The following FRMD6 variants were observed in gnomAD, a reference collection of about 807,000 sequenced individuals.
FRMD6 encodes the protein FERM domain-containing protein 6.
In FRMD6, 37 loss-of-function variants were observed where a neutral mutation model predicts 73.2. The ratio of observed to expected loss-of-function variants is 0.51; its 90% confidence interval spans 0.39 to 0.66. The LOEUF is 0.66. Ranked by LOEUF, FRMD6 falls within the 30% of genes least tolerant of loss-of-function variation. FRMD6 has a pLI of 0.00. For synonymous variants in FRMD6, 273 were observed against 282.2 expected (o/e 0.97, Z 0.33); for missense variants, 714 against 780.5 (o/e 0.91, Z 1.02).
chr14:51,579,142 CT>C (rs1309244926), intron 2 of FRMD6: 1 of 152,048 alleles, frequency 6.6e-6, no homozygotes, highest in Non-Finnish European at 1.5e-5. Context: ...GAGGAGGCGC[CT>C]TCCAGTAAAT....
At chr14:51,633,391 C>T (rs969687184) in intron 2 of FRMD6, among the ~76,000 whole-genome samples, 2 of 151,058 alleles carry the variant, frequency 1.3e-5, no homozygotes, top group African/African-American at 4.9e-5. Flanking sequence ...CTCTTGAGCC[C>T]AGGAGTTCAA....
chr14:51,591,298 A>C (rs1004500588), intron 2 of FRMD6, among the ~76,000 whole-genome samples: 3 of 152,154 alleles, frequency 2.0e-5, no homozygotes, highest in African/African-American at 7.2e-5. Context: ...AACAAACAAA[A>C]AAAAACTTTA....
chr14:51,603,608 C>G (rs889937897), intron 2 of FRMD6, among the ~76,000 whole-genome samples: 8 of 151,994 alleles, frequency 5.3e-5, no homozygotes, highest in Non-Finnish European at 1.0e-4. Context: ...TCATCCTTCC[C>G]TAAGGTAAAA....
the FRMD6 span, among the ~76,000 whole-genome samples, chr14:51,414,535 C>T: frequency 6.6e-6 from 1 of 152,172 alleles, no homozygotes; most frequent in Non-Finnish European, 1.5e-5. Flanking sequence ...GTACCAGTAC[C>T]ACGCTGTTTT....
In FRMD6 at chr14:51,581,489, T is replaced by C. The variant is rs1005241676; in HGVS notation, c.-147+11079T>C. Among the ~76,000 whole-genome samples, 36 of 152,240 alleles carry C rather than the reference T, an allele frequency of 2.4e-4. 1 individual carries two copies. Among genetic ancestry groups the C allele is most frequent in the African/African-American group, 8.7e-4 (36 of 41,468 alleles). On this transcript the variant is annotated intron_variant, in intron 2 of 14. Transcript: ENST00000356218. ...TTCTTCCCAAGCTAGAAGAAATTCT[T>C]ATCTTTTGGAGGCATTTACAGTGCA...
upstream of FRMD6, among the ~76,000 whole-genome samples, chr14:51,486,160 G>A (rs1162465861): frequency 6.6e-6 from 1 of 151,624 alleles, no homozygotes; most frequent in East Asian, 1.9e-4. Flanking sequence ...TCAGCCTCCC[G>A]AGTAGCTGGG....
intron 1 of FRMD6, among the ~76,000 whole-genome samples, chr14:51,667,651 T>C (rs1893701078): frequency 6.6e-6 from 1 of 152,202 alleles, no homozygotes; most frequent in South Asian, 2.1e-4. Flanking sequence ...CTTACAATTA[T>C]AGAAGGAGAT....
intron 1 of FRMD6, among the ~76,000 whole-genome samples, chr14:51,658,715 A>G (rs953771174): frequency 2.6e-5 from 4 of 152,186 alleles, no homozygotes; most frequent in African/African-American, 9.7e-5. Context: ...AAAACATAAG[A>G]TTATGATTTC....
At chr14:51,451,921 A>G in the FRMD6 span, among the ~76,000 whole-genome samples, 1 of 152,222 alleles carries the variant, frequency 6.6e-6, no homozygotes, top group East Asian at 1.9e-4. Flanking sequence ...CTTTATAGCA[A>G]TGCAAAACAG....
chr14:51,607,886 T>C (rs1191353492), intron 2 of FRMD6, among the ~76,000 whole-genome samples: 2 of 152,216 alleles, frequency 1.3e-5, no homozygotes, highest in Non-Finnish European at 2.9e-5. Context: ...GTTCCTGCCT[T>C]TTCCCATCTC....
intron 1 of FRMD6, among the ~76,000 whole-genome samples, chr14:51,514,989 G>C (rs1281132855): frequency 6.6e-6 from 1 of 152,196 alleles, no homozygotes; most frequent in Non-Finnish European, 1.5e-5. Flanking sequence ...ACCAGTAGGA[G>C]AGTTTTCACA....
the FRMD6 span, among the ~76,000 whole-genome samples, chr14:51,469,395 C>T: frequency 2.0e-5 from 3 of 150,172 alleles, no homozygotes; most frequent in Non-Finnish European, 3.0e-5. Context: ...GGGCGGATCA[C>T]GAGGTCAGCA....
the FRMD6 span, among the ~76,000 whole-genome samples, chr14:51,458,963 C>T: frequency 6.6e-6 from 1 of 152,208 alleles, no homozygotes; most frequent in Non-Finnish European, 1.5e-5. Flanking sequence ...CTCGAATTAG[C>T]AGAGATGGCA....
Position 51,580,554 on chromosome 14 carries a change from C to A in FRMD6, c.-147+10144C>A, listed in dbSNP as rs140325165. Among the ~76,000 whole-genome samples the A allele has an allele frequency of 2.1e-3, 323 of 152,084 alleles. 2 individuals carry two copies. The highest frequency in any genetic ancestry group is 3.9e-3 in the Non-Finnish European group (267 of 67,990). ...TAAGTGATGGAGCCAGAATTTGAACCCAAGAACTGCAACATCAGAATCCTA... is the reference window on the plus strand; with the variant it reads ...TAAGTGATGGAGCCAGAATTTGAACACAAGAACTGCAACATCAGAATCCTA... On this transcript the variant is annotated intron_variant, in intron 2 of 14. Coordinates refer to the FRMD6 transcript ENST00000356218.
intron 2 of FRMD6, chr14:51,579,098 C>A (rs1888567939): frequency 1.3e-5 from 2 of 152,128 alleles, no homozygotes; most frequent in Admixed American, 1.3e-4. Flanking sequence ...CAGGCAGGGA[C>A]AATCTTTCAT....
intron 1 of FRMD6, among the ~76,000 whole-genome samples, chr14:51,676,666 TATACAC>T (rs911114685): frequency 4.6e-5 from 7 of 152,180 alleles, no homozygotes; most frequent in African/African-American, 1.7e-4. Context: ...AATTGTGAAA[TATACAC>T]ATAGAAGAGT....
upstream of FRMD6, among the ~76,000 whole-genome samples, chr14:51,488,939 G>C (rs1882845906): frequency 6.6e-6 from 1 of 152,182 alleles, no homozygotes; most frequent in African/African-American, 2.4e-5. Context: ...TCCTCCCTTT[G>C]GGTGGGTATG....
At chr14:51,473,322 C>G in the FRMD6 span, among the ~76,000 whole-genome samples, 2 of 152,282 alleles carry the variant, frequency 1.3e-5, no homozygotes, top group South Asian at 2.1e-4. Context: ...TGATCTTGAC[C>G]CAGCCACTTG....
At chr14:51,411,573 C>T in the FRMD6 span, among the ~76,000 whole-genome samples, 1 of 152,138 alleles carries the variant, frequency 6.6e-6, no homozygotes, top group Non-Finnish European at 1.5e-5. Flanking sequence ...CTGTTATATT[C>T]GATTTCCCTA....
Sources: allele counts gnomAD v4.1 joint callset (sites outside exome capture counted in the v4.1 genomes callset), GRCh38; gene constraint gnomAD v4.1.1; transcripts MANE v1.5; gene names NCBI Gene and HGNC (gene_info 2026-07-23, HGNC 2026-07-21).